The following SNX5 variants were observed in gnomAD, a reference collection of about 807,000 sequenced individuals.
SNX5 encodes sorting nexin-5.
Under a neutral mutation model 53.9 loss-of-function variants are expected in SNX5, and 31 were observed. The ratio of observed to expected loss-of-function variants is 0.58; its 90% CI spans 0.43 to 0.78. The LOEUF (loss-of-function observed/expected upper bound fraction) is 0.78, where lower values mean the gene tolerates loss of function less well. Ranked by LOEUF, SNX5 falls within the 30% of genes least tolerant of loss-of-function variation. The pLI, the probability that SNX5 is intolerant of heterozygous loss-of-function variation, is 0.00. For synonymous variants in SNX5, 168 were observed against 171.1 expected, an observed-to-expected ratio of 0.98 and a Z score of 0.14; for missense variants, 471 against 478.8, an observed-to-expected ratio of 0.98 and a Z score of 0.15.
At chr20:17,962,644 A>C in intron 1 of SNX5, 1 of 505,816 alleles carries the variant, frequency 2.0e-6, no homozygotes, top group Non-Finnish European at 3.9e-6. Flanking sequence ...CAGTCTACTA[A>C]CATAGCTAAT....
intron 3 of SNX5, 135 bp downstream of exon 3, chr20:17,955,230 G>A (rs2035333240): frequency 3.2e-6 from 2 of 629,636 alleles, no homozygotes; most frequent in Non-Finnish European, 5.6e-6. Flanking sequence ...CCACTTGACA[G>A]TCAGCAAATA....
chr20:17,965,778 A>G (rs954861401), intron 1 of SNX5, among the ~76,000 whole-genome samples: 2 of 152,120 alleles, frequency 1.3e-5, no homozygotes, highest in African/African-American at 4.8e-5. Context: ...TAAGACACCG[A>G]GTACAAGTTA....
intron 11 of SNX5, chr20:17,943,463 C>T (rs2039444759): frequency 1.0e-5 from 4 of 399,410 alleles, no homozygotes; most frequent in South Asian, 5.1e-5. Flanking sequence ...TTGGAGAACA[C>T]GTTGATGAGC....
In SNX5 at chr20:17,942,399, G is replaced by A. The variant is rs9322; in HGVS notation, c.1173C>T (p.Val391=). The A allele has an allele frequency of 5.1e-3, 8,181 of 1,611,046 alleles. 358 individuals are homozygous for A. The African/African-American group carries it at 0.094, about 19-fold the overall frequency. ...AGTCAATACAGCTCTGCAAAAGGGA[G>A]ACATTGTTCTGTGGGGAAAAAAGGC... ...ELEIKHARNN[V]SLLQSCIDLF... Residue 391 remains valine, a synonymous_variant, in exon 13 of 13, where the codon GTC becomes GTT. Coordinates refer to ENST00000377759, the MANE Select transcript of SNX5 (RefSeq NM_014426.4).
At chr20:17,963,843 C>T (rs1339797240) in intron 1 of SNX5, among the ~76,000 whole-genome samples, 1 of 152,218 alleles carries the variant, frequency 6.6e-6, no homozygotes, top group Admixed American at 6.5e-5. Context: ...TTGGTCATCT[C>T]AGTTTGAAAT....
intron 1 of SNX5, chr20:17,962,685 A>T (rs942349062): frequency 1.9e-6 from 1 of 517,998 alleles, no homozygotes; most frequent in African/African-American, 1.9e-5. Context: ...CATCGGCTTA[A>T]TAAAAAACTA....
intron 11 of SNX5, chr20:17,944,991 TAA>T (rs1274825657): frequency 1.3e-5 from 2 of 152,278 alleles, no homozygotes; most frequent in Admixed American, 6.5e-5. Flanking sequence ...TTTACTTGAC[TAA>T]AACTTTGACC....
intron 1 of SNX5, chr20:17,961,109 G>C: frequency 1.0e-6 from 1 of 984,624 alleles, no homozygotes; most frequent in Non-Finnish European, 1.2e-6. Context: ...AAGGAGAAAA[G>C]TAGTTACGGA....
At chr20:17,946,657 AT>A (rs1888315295) in intron 11 of SNX5, among the ~76,000 whole-genome samples, 1 of 152,218 alleles carries the variant, frequency 6.6e-6, no homozygotes, top group Admixed American at 6.5e-5. Flanking sequence ...GATGAGGGAA[AT>A]CGTCTTTCTG....
rs369770913 is a variant in SNX5, at chr20:17,956,981, A to G, written c.108T>C (p.Pro36=). Residue 36 remains proline, a synonymous_variant, in exon 2 of 13, where the codon CCT becomes CCC. Coordinates refer to ENST00000377759, the MANE Select transcript of SNX5 (RefSeq NM_014426.4). ...CTTTGTCTCTCTCACTGAGCGCATC[A>G]GGTATGTCAATCTGAAGCGAGGGAT... ...NVDPSLQIDI[P]DALSERDKVK... 133 of 1,610,278 alleles carry G rather than the reference A, an allele frequency of 8.3e-5. No individual in the cohort carries two copies. The highest frequency in any genetic ancestry group is 1.0e-4 in the Non-Finnish European group (121 of 1,176,798).
At chr20:17,963,813 C>G (rs887806584) in intron 1 of SNX5, among the ~76,000 whole-genome samples, 7 of 152,208 alleles carry the variant, frequency 4.6e-5, no homozygotes, top group African/African-American at 1.7e-4. Flanking sequence ...AGTGGTAGAG[C>G]TGCCTGTTTG....
chr20:17,960,917 C>T (rs993835481), intron 1 of SNX5, among the ~76,000 whole-genome samples: 1 of 152,116 alleles, frequency 6.6e-6, no homozygotes, highest in African/African-American at 2.4e-5. Context: ...TACTGGATCA[C>T]GTATCCAAAG....
chr20:17,951,690 T>C, intron 5 of SNX5, 95 bp from the exon 6 acceptor site: 1 of 847,054 alleles, frequency 1.2e-6, no homozygotes, highest in Non-Finnish European at 2.0e-6. Context: ...ATCCTCTTTA[T>C]CAGTACAGGC....
chr20:17,949,233 G>T, intron 8 of SNX5, 130 bp from the exon 9 acceptor site: 1 of 737,334 alleles, frequency 1.4e-6, no homozygotes, highest in Non-Finnish European at 2.3e-6. Context: ...TAATTTAAAA[G>T]TAGTGCTCTC....
intron 10 of SNX5, among the ~76,000 whole-genome samples, chr20:17,948,147 A>C (rs2039511898): frequency 6.6e-6 from 1 of 152,262 alleles, no homozygotes; most frequent in Non-Finnish European, 1.5e-5. Context: ...TAGTATCTGA[A>C]ATGAGCAATT....
chr20:17,947,230 C>T (rs750965065), intron 11 of SNX5: 1 of 418,184 alleles, frequency 2.4e-6, no homozygotes, highest in South Asian at 3.2e-5. Context: ...GGAAATAAAC[C>T]ACAACGTTTT....
chr20:17,946,375 A>G (rs1159132748), intron 11 of SNX5, among the ~76,000 whole-genome samples: 1 of 152,252 alleles, frequency 6.6e-6, no homozygotes, highest in East Asian at 1.9e-4. Flanking sequence ...GCCAGTTTCA[A>G]GGCTGGAGCA....
intron 8 of SNX5, among the ~76,000 whole-genome samples, chr20:17,949,702 C>G (rs925269789): frequency 6.6e-6 from 1 of 151,966 alleles, no homozygotes; most frequent in South Asian, 2.1e-4. Flanking sequence ...CCACTATAAC[C>G]AAATCTCTTC....
chr20:17,955,518 GA>G, intron 2 of SNX5, 43 bp from the exon 3 acceptor site: 1 of 1,393,282 alleles, frequency 7.2e-7, no homozygotes, highest in Non-Finnish European at 1.0e-6. Flanking sequence ...ACGACTTTTA[GA>G]TAAGTGATCT....
Sources: gnomAD v4.1 joint callset for allele counts (sites outside exome capture counted in the v4.1 genomes callset) on GRCh38, gnomAD v4.1.1 for gene constraint, MANE v1.5 for transcripts, NCBI Gene and HGNC (gene_info 2026-07-23, HGNC 2026-07-21) for gene names.